Variants in PLXNA4 observed in about 807,000 individuals in gnomAD.
The protein encoded by PLXNA4 is plexin-A4.
Under a neutral mutation model 191.8 loss-of-function variants are expected in PLXNA4, and 44 were observed. The observed-to-expected ratio is 0.23, with a 90% CI of 0.18 to 0.29. PLXNA4 has a LOEUF of 0.29. Ranked by LOEUF, PLXNA4 falls within the 10% of genes least tolerant of loss-of-function variation. The pLI is 1.00. For missense variants in PLXNA4, 1,800 were observed against 2,488.8 expected (o/e 0.72, Z 5.89); for synonymous variants, 1,082 against 1,009.5 (o/e 1.07, Z -1.36).
At chr7:132,254,208 C>G (rs1312625727) in intron 4 of PLXNA4, among the ~76,000 whole-genome samples, 1 of 152,074 alleles carries the variant, frequency 6.6e-6, no homozygotes, top group East Asian at 1.9e-4. Flanking sequence ...TGATAGGGAC[C>G]CTCAGCTCTG....
intron 3 of PLXNA4, among the ~76,000 whole-genome samples, chr7:132,428,818 C>T (rs147091236): frequency 6.6e-5 from 10 of 152,196 alleles, no homozygotes; most frequent in East Asian, 3.9e-4. Context: ...GAAAAGATAA[C>T]GAGGAAGAAT....
chr7:132,563,688 CCTCCTCCTT>C (rs1801508043), intron 1 of PLXNA4, among the ~76,000 whole-genome samples: 3 of 123,146 alleles, frequency 2.4e-5, no homozygotes, highest in African/African-American at 6.5e-5. Flanking sequence ...TTCTCCTCCT[CCTCCTCCTT>C]CTCCTCCTCC....
At chr7:132,439,562 C>T (rs554659088) in intron 3 of PLXNA4, among the ~76,000 whole-genome samples, 1 of 152,254 alleles carries the variant, frequency 6.6e-6, no homozygotes, top group Non-Finnish European at 1.5e-5. Context: ...TCCCAGTCAC[C>T]TTGGGTGACA....
intron 1 of PLXNA4, among the ~76,000 whole-genome samples, chr7:132,516,598 G>A (rs1475609930): frequency 1.3e-5 from 2 of 152,322 alleles, no homozygotes; most frequent in East Asian, 3.9e-4. Context: ...AACGACTATT[G>A]ATGGAGCACA....
intron 4 of PLXNA4, among the ~76,000 whole-genome samples, chr7:132,262,802 G>A (rs1002706363): frequency 1.3e-5 from 2 of 152,042 alleles, no homozygotes; most frequent in Non-Finnish European, 2.9e-5. Flanking sequence ...GAGATGCTGG[G>A]TCTAAGGGGT....
At chr7:132,392,507 G>T (rs1793538075) in intron 3 of PLXNA4, among the ~76,000 whole-genome samples, 1 of 152,206 alleles carries the variant, frequency 6.6e-6, no homozygotes, top group African/African-American at 2.4e-5. Context: ...TGGGTTCACA[G>T]TCATGATACT....
chr7:132,630,265 T>C (rs779002556), intron 2 of PLXNA4, among the ~76,000 whole-genome samples: 2 of 152,230 alleles, frequency 1.3e-5, no homozygotes, highest in Non-Finnish European at 2.9e-5. Context: ...TCACACTGGG[T>C]ATTGGGCTTC....
At chr7:132,211,828 G>A (rs921032648) in intron 9 of PLXNA4, among the ~76,000 whole-genome samples, 1 of 152,192 alleles carries the variant, frequency 6.6e-6, no homozygotes, top group Non-Finnish European at 1.5e-5. Context: ...TGGAGCCACA[G>A]GAGCCCAGAT....
chr7:132,508,848 G>T lies in PLXNA4; in HGVS notation c.-86-69C>A. The T allele has an allele frequency of 5.8e-6, 8 of 1,372,008 alleles. No individual in the cohort carries two copies. The highest frequency in any genetic ancestry group is 7.7e-6 in the Non-Finnish European group (8 of 1,043,990). The allele number at this position is 1,372,008 out of a possible 1,614,324, so 85.0% of individuals were successfully genotyped here. A position where few individuals can be genotyped will look rare whatever the true frequency, so the allele number is the denominator to read the frequency against. ...CTTCATTTCACCCCACAGCTTGTCT[G>T]CCTGGACTTTCAAAATGTTCTGCAC... On this transcript the variant is annotated intron_variant, in intron 1 of 31. Transcript: ENST00000321063. The surrounding 1 kb of genome is among the most constrained non-coding windows in gnomAD (Gnocchi z 4.4).
At chr7:132,279,094 A>AT (rs1800383631) in intron 4 of PLXNA4, among the ~76,000 whole-genome samples, 1 of 152,210 alleles carries the variant, frequency 6.6e-6, no homozygotes, top group East Asian at 1.9e-4. Flanking sequence ...GCATGAAGAC[A>AT]TATGCACAAA....
chr7:132,636,159 A>G (rs1450418132), intron 2 of PLXNA4, among the ~76,000 whole-genome samples: 2 of 152,232 alleles, frequency 1.3e-5, no homozygotes, highest in Non-Finnish European at 2.9e-5. Flanking sequence ...ACTCCCATCC[A>G]ATACCCAGGT....
chr7:132,638,644 T>C (rs1803657038), intron 2 of PLXNA4, among the ~76,000 whole-genome samples: 1 of 151,916 alleles, frequency 6.6e-6, no homozygotes, highest in Non-Finnish European at 1.5e-5. Context: ...AGAGCAAGAC[T>C]CTGTCTCAAA....
intron 3 of PLXNA4, among the ~76,000 whole-genome samples, chr7:132,334,199 G>A (rs1384143485): frequency 2.0e-5 from 3 of 148,010 alleles, no homozygotes; most frequent in African/African-American, 5.0e-5. Context: ...AAACAGAGGT[G>A]TCTCCTGGTG....
At chr7:132,362,155 T>G (rs6954714) in intron 3 of PLXNA4, among the ~76,000 whole-genome samples, 68,861 of 151,582 alleles carry the variant, frequency 0.45, 18,139 homozygotes, top group African/African-American at 0.73. Flanking sequence ...TAGAGGACTT[T>G]ATACATCATC....
chr7:132,576,453 G>A lies in PLXNA4; in HGVS notation c.-118C>T. The A allele has an allele frequency of 1.0e-6, 1 of 985,764 alleles. No homozygotes were observed. Among genetic ancestry groups the A allele is most frequent in the Non-Finnish European group, 1.2e-6 (1 of 829,954 alleles). The allele number at this position is 985,764 out of a possible 1,614,324, so 61.1% of individuals were successfully genotyped here. A position where few individuals can be genotyped will look rare whatever the true frequency, so the allele number is the denominator to read the frequency against. ...GCGCCGCGTTTCCCTCCTTCAGCGG[G>A]AGCGCCGCATTGACACTGCAGATGG... On this transcript the variant is annotated 5_prime_UTR_variant, in exon 1 of 32. Transcript: ENST00000321063. This position sits in a 1 kb window ranked among gnomAD's most constrained non-coding sequence, Gnocchi z 5.8.
intron 3 of PLXNA4, among the ~76,000 whole-genome samples, chr7:132,387,894 C>T (rs1014561648): frequency 1.3e-4 from 20 of 152,094 alleles, no homozygotes; most frequent in Non-Finnish European, 2.5e-4. Context: ...CCATTAAGGG[C>T]TCTCTGAACC....
Position 132,640,290 on chromosome 7 carries a change from A to G in PLXNA4, c.-87+5638T>C, listed in dbSNP as rs79245980. The stretch of plus-strand genomic sequence containing the variant: ...GACAACCAAAGAAGTTATGGCTTTC[A>G]GGGATCTTTCAATTGGTAGGAGAAA... On this transcript the variant is annotated intron_variant, in intron 2 of 4. Coordinates refer to the PLXNA4 transcript ENST00000378539. Among the ~76,000 whole-genome samples the G allele has an allele frequency of 6.2e-3, 943 of 152,334 alleles. 7 individuals are homozygous for G. The highest frequency in any genetic ancestry group is 0.022 in the African/African-American group (916 of 41,570).
intron 2 of PLXNA4, among the ~76,000 whole-genome samples, chr7:132,505,909 G>A (rs1282491533): frequency 6.6e-6 from 1 of 152,096 alleles, no homozygotes; most frequent in Non-Finnish European, 1.5e-5. Context: ...CCAAACAAAG[G>A]GCTCCAGGGG....
At chr7:132,320,464 C>A (rs1207678914) in intron 3 of PLXNA4, among the ~76,000 whole-genome samples, 1 of 152,206 alleles carries the variant, frequency 6.6e-6, no homozygotes, top group Non-Finnish European at 1.5e-5. Flanking sequence ...TTGATTAGAT[C>A]TCCAAAGACC....
Sources: allele counts gnomAD v4.1 joint callset (sites outside exome capture counted in the v4.1 genomes callset), GRCh38; gene constraint gnomAD v4.1.1; non-coding constraint Gnocchi (gnomAD v3.1); transcripts MANE v1.5; gene names NCBI Gene and HGNC (gene_info 2026-07-23, HGNC 2026-07-21).